Variants in NUP58 observed in about 807,000 individuals in gnomAD.
NUP58 encodes the protein nucleoporin p58/p45.
NUP58 carries 17 observed loss-of-function variants against 70.1 expected under a neutral mutation model. That is an observed-to-expected ratio of 0.24 (90% CI 0.17 to 0.36). NUP58 has a LOEUF of 0.36. Among genes scored for constraint, NUP58 ranks in the 10% least tolerant of loss-of-function variants. NUP58 has a pLI of 1.00. For synonymous variants in NUP58, 275 were observed against 257.6 expected (o/e 1.07, Z -0.65); for missense variants, 644 against 701.5 (o/e 0.92, Z 0.93).
chr13:25,320,432 A>G (rs2031131583), intron 7 of NUP58, 98 bp from the exon 8 acceptor site: 2 of 753,150 alleles, frequency 2.7e-6, no homozygotes, highest in Non-Finnish European at 4.4e-6. Context: ...TTTTTGCTAT[A>G]TTTTCTTGTG....
intron 5 of NUP58, among the ~76,000 whole-genome samples, chr13:25,314,473 G>A (rs1176682152): frequency 6.6e-6 from 1 of 151,984 alleles, no homozygotes; most frequent in African/African-American, 2.4e-5. Context: ...AGGCAGGTGG[G>A]TCATCTGAGG....
intron 1 of NUP58, among the ~76,000 whole-genome samples, chr13:25,304,360 C>G (rs1247552452): frequency 6.6e-6 from 1 of 151,190 alleles, no homozygotes; most frequent in Non-Finnish European, 1.5e-5. Flanking sequence ...TCACTGCCAC[C>G]AAAATTTCTC....
chr13:25,317,749 T>G (rs910531192), intron 6 of NUP58: 6 of 151,858 alleles, frequency 4.0e-5, no homozygotes, highest in African/African-American at 1.5e-4. Flanking sequence ...GAAAAAAATC[T>G]TAATAAAATA....
At chr13:25,325,663 C>T (rs1235238287) in intron 10 of NUP58, among the ~76,000 whole-genome samples, 4 of 152,082 alleles carry the variant, frequency 2.6e-5, no homozygotes, top group African/African-American at 7.2e-5. Flanking sequence ...CCAGTTTTAG[C>T]GATAAAGAGA....
intron 1 of NUP58, among the ~76,000 whole-genome samples, chr13:25,304,875 C>T (rs2030239950): frequency 6.6e-6 from 1 of 151,942 alleles, no homozygotes; most frequent in African/African-American, 2.4e-5. Flanking sequence ...TACCCTACTC[C>T]ACATTATACA....
At chr13:25,320,634 A>T (rs766342269) in intron 8 of NUP58, 39 bp downstream of exon 8, 11 of 1,382,574 alleles carry the variant, frequency 8.0e-6, no homozygotes, top group African/African-American at 4.3e-5. Context: ...ACACTTGAAG[A>T]ATTCTAGAAT....
intron 1 of NUP58, among the ~76,000 whole-genome samples, chr13:25,302,657 A>T (rs1240925280): frequency 6.6e-6 from 1 of 152,190 alleles, no homozygotes; most frequent in Non-Finnish European, 1.5e-5. Context: ...ATTTTTTTTA[A>T]GATAAAGGTG....
intron 13 of NUP58, chr13:25,333,150 C>T: frequency 1.0e-6 from 1 of 985,004 alleles, no homozygotes; most frequent in Non-Finnish European, 1.2e-6. Context: ...GTTTAACTTT[C>T]TTATCTATAG....
At chr13:25,346,173 A>C (rs1215569154), downstream of NUP58, among the ~76,000 whole-genome samples, 4 of 152,352 alleles carry the variant, frequency 2.6e-5, no homozygotes, top group Admixed American at 1.3e-4. Context: ...AATAGCTAAC[A>C]GTGCTAAGCA....
intron 13 of NUP58, chr13:25,335,224 G>A (rs2031739417): frequency 2.0e-6 from 2 of 984,956 alleles, no homozygotes; most frequent in African/African-American, 3.5e-5. Context: ...TTAGATATGA[G>A]TTCTTGATTA....
rs142337325 is a variant in NUP58 at position 25,319,100 on chromosome 13, A to G, written c.686-226A>G. On this transcript the variant is annotated intron_variant, in intron 6 of 15. Transcript: ENST00000381736. ...AAGGGAAATTCTTGCCCTTGAAAGT[A>G]TATGTACATCTGCCATATATCTGCT... Among the ~76,000 whole-genome samples the G allele has an allele frequency of 2.6e-5, 4 of 152,338 alleles. No homozygotes were observed. The East Asian group carries it at 7.7e-4, about 29-fold the overall frequency.
downstream of NUP58, among the ~76,000 whole-genome samples, chr13:25,345,487 G>A (rs1237150647): frequency 7.1e-6 from 1 of 140,838 alleles, no homozygotes; most frequent in East Asian, 2.1e-4. Flanking sequence ...AGCAAGAGCC[G>A]GACTTGTGCA....
chr13:25,332,094 GC>G, intron 13 of NUP58: 1 of 992,716 alleles, frequency 1.0e-6, no homozygotes, highest in Non-Finnish European at 1.2e-6. Context: ...CAGAATACAA[GC>G]CCTCTAAACC....
chr13:25,302,401 AC>A (rs1310664242), intron 1 of NUP58, among the ~76,000 whole-genome samples: 15 of 152,370 alleles, frequency 9.8e-5, no homozygotes, highest in Admixed American at 6.5e-4. Flanking sequence ...GTTAAAAAAA[AC>A]AAAAACACTT....
At chr13:25,308,514 G>A (rs2030494704) in intron 2 of NUP58, among the ~76,000 whole-genome samples, 1 of 150,936 alleles carries the variant, frequency 6.6e-6, no homozygotes, top group Non-Finnish European at 1.5e-5. Flanking sequence ...GTAGAGAAGA[G>A]GTCTCCTCCT....
chr13:25,342,756 A>G (rs963897625), downstream of NUP58, among the ~76,000 whole-genome samples: 1 of 152,176 alleles, frequency 6.6e-6, no homozygotes. Context: ...AAAAGAATAT[A>G]TAAATGTTAC....
Position 25,312,898 on chromosome 13 carries a change from C to T in NUP58, c.302C>T (p.Thr101Ile). The part of the protein sequence containing the change: ...TGLTLGTPAT[T>I]SAATTGFSLG... ...ATTTAAATAGGAACGCCAGCCACTACATCTGCAGCTACAACAGGCTTCAGT... is the reference window on the plus strand; with the variant it reads ...ATTTAAATAGGAACGCCAGCCACTATATCTGCAGCTACAACAGGCTTCAGT... The change falls in exon 4 of 16, where the codon ACA becomes ATA. Residue 101 changes from threonine (T) to isoleucine (I), a missense_variant. Around this residue, in one of 4 missense-constraint regions of NUP58, gnomAD observed 430 missense variants for 409.2 expected, o/e 1.05. Transcript: ENST00000381736. 6.2e-7 allele frequency: 1 copy of T among 1,611,900 alleles called. No individual in the cohort carries two copies. The highest frequency in any genetic ancestry group is 8.5e-7 in the Non-Finnish European group (1 of 1,178,888).
intron 9 of NUP58, among the ~76,000 whole-genome samples, chr13:25,323,402 C>A (rs542236798): frequency 6.6e-6 from 1 of 151,414 alleles, no homozygotes; most frequent in South Asian, 2.1e-4. Context: ...ATTTTTATTT[C>A]ATGCTCACCA....
chr13:25,329,500 A>G (rs2031527309), intron 12 of NUP58, among the ~76,000 whole-genome samples: 1 of 152,210 alleles, frequency 6.6e-6, no homozygotes, highest in East Asian at 1.9e-4. Flanking sequence ...CGTTGTAGAC[A>G]TGAAATTTTG....
Sources: gnomAD v4.1 joint callset for allele counts (sites outside exome capture counted in the v4.1 genomes callset) on GRCh38, gnomAD v4.1.1 for gene constraint, gnomAD v4.1.1 regional missense constraint, MANE v1.5 for transcripts, NCBI Gene and HGNC (gene_info 2026-07-23, HGNC 2026-07-21) for gene names.